Variants in SUCLG2 observed in about 807,000 individuals in gnomAD.
The protein encoded by SUCLG2 is succinate--CoA ligase [GDP-forming] subunit beta, mitochondrial.
SUCLG2 carries 42 observed loss-of-function variants against 47.9 expected under a neutral mutation model. The ratio of observed to expected loss-of-function variants is 0.88; its 90% CI spans 0.69 to 1.14. The LOEUF is 1.14. Ranked by LOEUF, SUCLG2 falls within the 50% of genes most tolerant of loss-of-function variation. The pLI is 0.00. For synonymous variants in SUCLG2, 195 were observed against 197.3 expected (o/e 0.99, Z 0.10); for missense variants, 571 against 525.9 (o/e 1.09, Z -0.84).
At chr3:67,636,236 C>T (rs903500844) in intron 1 of SUCLG2, among the ~76,000 whole-genome samples, 2 of 152,008 alleles carry the variant, frequency 1.3e-5, no homozygotes, top group Admixed American at 6.6e-5. Flanking sequence ...GATGAACAAA[C>T]TATGCAGACA....
chr3:67,528,179 T>C lies in SUCLG2; in HGVS notation c.370A>G (p.Asn124Asp), dbSNP rs1263635942. Reference protein sequence around the residue: ...GQLAKQMIGYNLATKQTPKEG... With the variant: ...GQLAKQMIGYDLATKQTPKEG... ...TTTGGAGTTTGTTTTGTCGCTAGAT[T>C]GTACCCAATCATCTGTTTAGCCAGC... Residue 124 changes from asparagine to aspartate, a missense_variant, in exon 4 of 11, where the codon AAT becomes GAT. Coordinates refer to ENST00000307227, the MANE Select transcript of SUCLG2 (RefSeq NM_003848.4). 6 of 1,613,976 alleles carry C rather than the reference T, an allele frequency of 3.7e-6. No individual in the cohort carries two copies. Among genetic ancestry groups the C allele is most frequent in the East Asian group, 2.2e-5 (1 of 44,858 alleles).
At chr3:67,635,565 G>A (rs1301015290) in intron 1 of SUCLG2, among the ~76,000 whole-genome samples, 4 of 152,078 alleles carry the variant, frequency 2.6e-5, no homozygotes, top group East Asian at 1.9e-4. Context: ...TGCATGTGTT[G>A]TTCATGAAAT....
Position 67,477,194 on chromosome 3 carries a change from C to T in SUCLG2, c.1062+18604G>A, listed in dbSNP as rs144125564. On this transcript the variant is annotated intron_variant, in intron 9 of 10. Coordinates refer to ENST00000307227, the MANE Select transcript of SUCLG2 (RefSeq NM_003848.4). ...AAAAGTCCCGATGCCTCACTACCTCCCCCATCCCAAGAAGTTGATTTAATT... is the reference window on the plus strand; with the variant it reads ...AAAAGTCCCGATGCCTCACTACCTCTCCCATCCCAAGAAGTTGATTTAATT... Among the ~76,000 whole-genome samples the T allele has an allele frequency of 3.3e-3, 509 of 152,300 alleles. 1 individual carries two copies. The highest frequency in any genetic ancestry group is 6.0e-3 in the Non-Finnish European group (405 of 68,032).
intron 9 of SUCLG2, among the ~76,000 whole-genome samples, chr3:67,432,813 CT>C (rs1292226341): frequency 1.3e-5 from 2 of 152,202 alleles, no homozygotes; most frequent in Admixed American, 6.5e-5. Context: ...CGCTCTCAAG[CT>C]TTTGAATTTG....
At chr3:67,500,296 A>G (rs975589726) in intron 7 of SUCLG2, among the ~76,000 whole-genome samples, 2 of 152,186 alleles carry the variant, frequency 1.3e-5, no homozygotes, top group African/African-American at 4.8e-5. Flanking sequence ...TTTCCCTACC[A>G]CAATATTCAA....
chr3:67,366,926 G>T (rs1173391200), intron 10 of SUCLG2, among the ~76,000 whole-genome samples: 1 of 152,150 alleles, frequency 6.6e-6, no homozygotes, highest in Non-Finnish European at 1.5e-5. Flanking sequence ...CATACTGTTT[G>T]ACATTCATCA....
chr3:67,420,242 T>C (rs1021005163), intron 9 of SUCLG2, among the ~76,000 whole-genome samples: 3 of 152,220 alleles, frequency 2.0e-5, no homozygotes, highest in Non-Finnish European at 4.4e-5. Flanking sequence ...ACAAGTCAGG[T>C]ATCTCATCTA....
At chr3:67,553,543 C>A (rs929583985) in intron 2 of SUCLG2, among the ~76,000 whole-genome samples, 5 of 152,136 alleles carry the variant, frequency 3.3e-5, no homozygotes, top group Non-Finnish European at 7.4e-5. Flanking sequence ...TAATCAGTAT[C>A]ATTTACAAAT....
intron 2 of SUCLG2, among the ~76,000 whole-genome samples, chr3:67,582,740 A>AT (rs1221077338): frequency 6.6e-6 from 1 of 152,064 alleles, no homozygotes; most frequent in East Asian, 1.9e-4. Context: ...CCAGCAGTGT[A>AT]TAAGTGTTCC....
chr3:67,395,583 C>T (rs148539621), intron 10 of SUCLG2, among the ~76,000 whole-genome samples: 1 of 152,170 alleles, frequency 6.6e-6, no homozygotes, highest in African/African-American at 2.4e-5. Flanking sequence ...GAGACTTTAA[C>T]ACCTCACTGT....
intron 2 of SUCLG2, among the ~76,000 whole-genome samples, chr3:67,580,495 T>A (rs1329866554): frequency 2.0e-5 from 3 of 152,176 alleles, no homozygotes; most frequent in African/African-American, 7.2e-5. Flanking sequence ...GAAAGATACA[T>A]CTTCAAAGTG....
At chr3:67,474,144 C>CAGAT (rs1363372234) in intron 9 of SUCLG2, among the ~76,000 whole-genome samples, 1 of 151,942 alleles carries the variant, frequency 6.6e-6, no homozygotes, top group African/African-American at 2.4e-5. Flanking sequence ...CCTGTAGTCC[C>CAGAT]AGATACTCAG....
chr3:67,456,202 T>C (rs554219409), intron 9 of SUCLG2, among the ~76,000 whole-genome samples: 1 of 152,324 alleles, frequency 6.6e-6, no homozygotes, highest in South Asian at 2.1e-4. Context: ...CCTCCTCCCT[T>C]GATACATGAA....
Position 67,575,827 on chromosome 3 carries a change from A to C in SUCLG2, c.226+33628T>G, listed in dbSNP as rs61110450. ...TTGCTACTGAACCTAAGAATAAAAA[A>C]AGTCCATCTCATTTAGACAGATTTG... On this transcript the variant is annotated intron_variant, in intron 2 of 10. Transcript: ENST00000307227. 2.8e-4 allele frequency among the ~76,000 whole-genome samples: 43 copies of C among 152,320 alleles called. No homozygotes were observed. In the East Asian group the frequency reaches 7.3e-3, roughly 26 times the overall value.
At chr3:67,570,071 T>C (rs1333675000) in intron 2 of SUCLG2, among the ~76,000 whole-genome samples, 1 of 151,904 alleles carries the variant, frequency 6.6e-6, no homozygotes, top group Non-Finnish European at 1.5e-5. Flanking sequence ...TTATAAGAAG[T>C]GGGAGAGACA....
chr3:67,498,405 T>A, intron 7 of SUCLG2, 110 bp from the exon 8 acceptor site: 1 of 1,175,720 alleles, frequency 8.5e-7, no homozygotes, highest in South Asian at 1.6e-5. Flanking sequence ...TGTCATTTTT[T>A]TTCACATGTT....
At chr3:67,424,156 A>G (rs1359006353) in intron 9 of SUCLG2, among the ~76,000 whole-genome samples, 3 of 152,256 alleles carry the variant, frequency 2.0e-5, no homozygotes, top group African/African-American at 7.2e-5. Context: ...TGATAAAAAT[A>G]GTTCCATCTA....
At chr3:67,629,429 T>C (rs1700889357) in intron 1 of SUCLG2, among the ~76,000 whole-genome samples, 1 of 152,146 alleles carries the variant, frequency 6.6e-6, no homozygotes, top group South Asian at 2.1e-4. Flanking sequence ...TATTTATGAT[T>C]ACTGGTTTAT....
chr3:67,511,941 C>T lies in SUCLG2; in HGVS notation c.661-3038G>A, dbSNP rs976110110. On this transcript the variant is annotated intron_variant, in intron 6 of 10. Coordinates refer to ENST00000307227, the MANE Select transcript of SUCLG2 (RefSeq NM_003848.4). ...TCATGGCTCACTGCAGCCTTGAACT[C>T]CTGGGCTCAGATGATCCTCCCACCT... 6.6e-5 allele frequency among the ~76,000 whole-genome samples: 10 copies of T among 150,798 alleles called. 1 individual carries two copies. The highest frequency in any genetic ancestry group is 2.5e-4 in the African/African-American group (10 of 40,222).
Sources: gnomAD v4.1 joint callset for allele counts (sites outside exome capture counted in the v4.1 genomes callset) on GRCh38, gnomAD v4.1.1 for gene constraint, MANE v1.5 for transcripts, NCBI Gene and HGNC (gene_info 2026-07-23, HGNC 2026-07-21) for gene names.